PLCXD3: variants seen among roughly 807,000 people sequenced by gnomAD.
PLCXD3 encodes PI-PLC X domain-containing protein 3.
A neutral mutation model predicts 25.5 loss-of-function variants in PLCXD3; 19 were observed. The ratio of observed to expected loss-of-function variants is 0.75; its 90% confidence interval spans 0.52 to 1.09. PLCXD3 has a LOEUF of 1.09. PLCXD3 is among the 50% of genes least tolerant of loss of function. The pLI, the probability that PLCXD3 is intolerant of heterozygous loss-of-function variation, is 0.00. For missense variants in PLCXD3, 411 were observed against 388.1 expected (o/e 1.06, Z -0.50); for synonymous variants, 174 against 137.6 (o/e 1.26, Z -1.85).
At chr5:41,395,530 G>A (rs757566994) in intron 1 of PLCXD3, among the ~76,000 whole-genome samples, 1 of 151,922 alleles carries the variant, frequency 6.6e-6, no homozygotes, top group Non-Finnish European at 1.5e-5. Flanking sequence ...ACAAAAAGTT[G>A]ATTTTTGAAA....
In PLCXD3 at chr5:41,309,648, A is replaced by G. The variant is rs1743078967; in HGVS notation, c.*3969T>C. 1.3e-5 allele frequency: 2 copies of G among 152,188 alleles called. No homozygotes were observed. The highest frequency in any genetic ancestry group is 2.9e-5 in the Non-Finnish European group (2 of 68,012). 9.4% of individuals were successfully genotyped at this position (152,188 alleles called of 1,614,324 possible). On this transcript the variant is annotated 3_prime_UTR_variant, in exon 3 of 3. Coordinates refer to ENST00000377801, the MANE Select transcript of PLCXD3 (RefSeq NM_001005473.3). ...TGGAATCCTAACAAGGAAGAACCTG[A>G]ACAAATAACCCTGGCTAAAAACATG...
intron 1 of PLCXD3, among the ~76,000 whole-genome samples, chr5:41,484,688 T>C (rs1243652258): frequency 1.3e-5 from 2 of 152,162 alleles, no homozygotes; most frequent in African/African-American, 4.8e-5. Context: ...TGTGTATAGG[T>C]AACGGAATGA....
intron 2 of PLCXD3, among the ~76,000 whole-genome samples, chr5:41,315,181 C>T (rs1743253251): frequency 6.6e-6 from 1 of 152,038 alleles, no homozygotes; most frequent in Admixed American, 6.6e-5. Flanking sequence ...ATGAGAACTA[C>T]TATAACTTGG....
intron 1 of PLCXD3, among the ~76,000 whole-genome samples, chr5:41,459,950 A>G (rs1193333690): frequency 6.6e-6 from 1 of 151,998 alleles, no homozygotes; most frequent in Admixed American, 6.6e-5. Flanking sequence ...AAATCCTGCA[A>G]GGAGCTAATA....
intron 2 of PLCXD3, among the ~76,000 whole-genome samples, chr5:41,368,881 T>C (rs1215936374): frequency 6.6e-6 from 1 of 152,204 alleles, no homozygotes; most frequent in East Asian, 1.9e-4. Context: ...TAGAAAATGG[T>C]GGACCATTGA....
At chr5:41,323,273 A>T (rs988227414) in intron 2 of PLCXD3, among the ~76,000 whole-genome samples, 1 of 152,188 alleles carries the variant, frequency 6.6e-6, no homozygotes, top group African/African-American at 2.4e-5. Flanking sequence ...GTATAAAAAA[A>T]AGTTAGAAAG....
chr5:41,410,100 G>T (rs1295270472), intron 1 of PLCXD3, among the ~76,000 whole-genome samples: 1 of 151,072 alleles, frequency 6.6e-6, no homozygotes, highest in East Asian at 1.9e-4. Context: ...GGGTACTTTA[G>T]ATAGATTAAT....
chr5:41,453,128 T>G (rs901289013), intron 1 of PLCXD3, among the ~76,000 whole-genome samples: 18 of 151,922 alleles, frequency 1.2e-4, no homozygotes, highest in African/African-American at 4.3e-4. Context: ...TTAACCAAAA[T>G]TTTGTATCCT....
chr5:41,431,899 G>A (rs536473716), intron 1 of PLCXD3, among the ~76,000 whole-genome samples: 6 of 152,322 alleles, frequency 3.9e-5, no homozygotes, highest in African/African-American at 1.4e-4. Flanking sequence ...CCTGCAACTT[G>A]TCCATGATAG....
intron 2 of PLCXD3, among the ~76,000 whole-genome samples, chr5:41,373,861 A>G (rs1270962323): frequency 6.6e-6 from 1 of 152,072 alleles, no homozygotes; most frequent in Non-Finnish European, 1.5e-5. Context: ...TTTCTCACCA[A>G]AGGTGAGAAA....
chr5:41,419,693 A>G (rs1260492703), intron 1 of PLCXD3, among the ~76,000 whole-genome samples: 1 of 152,192 alleles, frequency 6.6e-6, no homozygotes, highest in Non-Finnish European at 1.5e-5. Context: ...CTAGAATTAG[A>G]TTGCCCCAGT....
chr5:41,473,935 A>C (rs1748227200), intron 1 of PLCXD3, among the ~76,000 whole-genome samples: 2 of 152,144 alleles, frequency 1.3e-5, no homozygotes, highest in East Asian at 3.9e-4. Context: ...CCTCTTTTTA[A>C]ATTTCAAACT....
intron 2 of PLCXD3, among the ~76,000 whole-genome samples, chr5:41,372,585 A>T (rs934043039): frequency 1.5e-4 from 23 of 152,012 alleles, no homozygotes; most frequent in African/African-American, 5.6e-4. Flanking sequence ...CTCTTGCCAT[A>T]CCCCGGAGGA....
In PLCXD3 at chr5:41,439,752, C is replaced by G. The variant is rs500471; in HGVS notation, c.104-57218G>C. 7.3e-3 allele frequency among the ~76,000 whole-genome samples: 1,111 copies of G among 152,298 alleles called. 13 individuals carry two copies. The highest frequency in any genetic ancestry group is 0.026 in the African/African-American group (1,069 of 41,554). ...ATATGCAATGAAACTGACTCCAAAACTGATAGTCCCCCATATATTAAAACC... is the reference window on the plus strand; with the variant it reads ...ATATGCAATGAAACTGACTCCAAAAGTGATAGTCCCCCATATATTAAAACC... On this transcript the variant is annotated intron_variant, in intron 1 of 2. Transcript: ENST00000377801.
chr5:41,454,127 T>C (rs1747698335), intron 1 of PLCXD3, among the ~76,000 whole-genome samples: 1 of 151,926 alleles, frequency 6.6e-6, no homozygotes, highest in Non-Finnish European at 1.5e-5. Flanking sequence ...TCCTCCCAAA[T>C]ATTAATGTCC....
At chr5:41,361,841 GAACT>G in intron 2 of PLCXD3, among the ~76,000 whole-genome samples, 1 of 152,114 alleles carries the variant, frequency 6.6e-6, no homozygotes. Flanking sequence ...CTTGAATATT[GAACT>G]AATTATCACA....
At chr5:41,465,593 T>C (rs961546155) in intron 1 of PLCXD3, among the ~76,000 whole-genome samples, 4 of 151,806 alleles carry the variant, frequency 2.6e-5, no homozygotes, top group Non-Finnish European at 5.9e-5. Flanking sequence ...AGTCTAATAA[T>C]GAACCAAGGG....
At chr5:41,353,011 GT>G (rs1744513719) in intron 2 of PLCXD3, among the ~76,000 whole-genome samples, 1 of 151,816 alleles carries the variant, frequency 6.6e-6, no homozygotes, top group Non-Finnish European at 1.5e-5. Flanking sequence ...TTTGCTAGAG[GT>G]TTGAATAATC....
intron 2 of PLCXD3, among the ~76,000 whole-genome samples, chr5:41,374,515 C>T (rs991229874): frequency 2.0e-5 from 3 of 152,066 alleles, no homozygotes; most frequent in Non-Finnish European, 2.9e-5. Context: ...AACACTTGTA[C>T]GAATGAAGCC....
Sources: allele counts gnomAD v4.1 joint callset (sites outside exome capture counted in the v4.1 genomes callset), GRCh38; gene constraint gnomAD v4.1.1; transcripts MANE v1.5; gene names NCBI Gene and HGNC (gene_info 2026-07-23, HGNC 2026-07-21).